PTPRT: variants seen among roughly 807,000 people sequenced by gnomAD.
PTPRT encodes the protein receptor-type tyrosine-protein phosphatase T.
In PTPRT, 56 loss-of-function variants were observed where a neutral mutation model predicts 176.8. That is an observed-to-expected ratio of 0.32 (90% confidence interval 0.26 to 0.40). The LOEUF is 0.40. PTPRT is among the 10% of genes least tolerant of loss of function. The probability of loss-of-function intolerance (pLI) is 1.00; values close to 1 mark genes in which losing one functional copy is unlikely to be tolerated. For missense variants in PTPRT, 1,540 were observed against 1,908.2 expected (o/e 0.81, Z 3.60); for synonymous variants, 783 against 739.0 (o/e 1.06, Z -0.96).
At chr20:42,182,910 GTGTGTGTGT>G in intron 16 of PTPRT, among the ~76,000 whole-genome samples, 1 of 75,864 alleles carries the variant, frequency 1.3e-5, no homozygotes, top group Non-Finnish European at 2.6e-5. Flanking sequence ...AAGCAGGGGT[GTGTGTGTGT>G]GTGTGTGTGT....
intron 1 of PTPRT, among the ~76,000 whole-genome samples, chr20:43,138,347 C>T (rs2013898850): frequency 1.3e-5 from 2 of 152,230 alleles, no homozygotes; most frequent in African/African-American, 2.4e-5. Flanking sequence ...CCCGGGCTGC[C>T]GGCGTGGCTC....
At chr20:42,489,802 T>C (rs2071530210) in intron 7 of PTPRT, among the ~76,000 whole-genome samples, 1 of 152,172 alleles carries the variant, frequency 6.6e-6, no homozygotes, top group Admixed American at 6.5e-5. Flanking sequence ...GACACAAACT[T>C]TTTTTGAAGA....
intron 1 of PTPRT, among the ~76,000 whole-genome samples, chr20:43,188,939 A>AAT (rs1319200752): frequency 6.6e-6 from 1 of 152,060 alleles, no homozygotes; most frequent in Non-Finnish European, 1.5e-5. Flanking sequence ...GCCAAACCCA[A>AAT]ATATGAGTTC....
At chr20:42,170,109 T>C (rs1041274327) in intron 16 of PTPRT, among the ~76,000 whole-genome samples, 1 of 152,186 alleles carries the variant, frequency 6.6e-6, no homozygotes, top group South Asian at 2.1e-4. Flanking sequence ...CTGGAACTGC[T>C]GAAACAATCT....
intron 1 of PTPRT, among the ~76,000 whole-genome samples, chr20:42,999,977 T>C (rs1984458215): frequency 6.6e-6 from 1 of 150,378 alleles, no homozygotes. Flanking sequence ...CTCAAGTCAG[T>C]GGCTCTGAAA....
chr20:42,296,782 C>A (rs2057393853), intron 12 of PTPRT, among the ~76,000 whole-genome samples: 1 of 152,048 alleles, frequency 6.6e-6, no homozygotes, highest in Admixed American at 6.6e-5. Context: ...CAAACATAGT[C>A]AATAATAATT....
chr20:43,105,583 T>C (rs2012570471), intron 1 of PTPRT, among the ~76,000 whole-genome samples: 1 of 152,146 alleles, frequency 6.6e-6, no homozygotes, highest in Non-Finnish European at 1.5e-5. Flanking sequence ...GTATTTTTAG[T>C]AGAGACAAAG....
intron 7 of PTPRT, among the ~76,000 whole-genome samples, chr20:42,534,657 A>G (rs1465694925): frequency 6.6e-6 from 1 of 152,020 alleles, no homozygotes; most frequent in Non-Finnish European, 1.5e-5. Context: ...AAAGATACAA[A>G]ACTAGAGTGC....
intron 16 of PTPRT, among the ~76,000 whole-genome samples, chr20:42,180,055 A>G (rs1448913099): frequency 1.3e-5 from 2 of 152,212 alleles, no homozygotes; most frequent in East Asian, 3.9e-4. Flanking sequence ...AAGGAAGTCA[A>G]AGATTACAGA....
At chr20:43,134,693 T>G (rs1012178081) in intron 1 of PTPRT, among the ~76,000 whole-genome samples, 2 of 152,194 alleles carry the variant, frequency 1.3e-5, no homozygotes, top group Non-Finnish European at 2.9e-5. Context: ...TATCACTGAA[T>G]TTTTTTCTTC....
chr20:42,878,978 G>A lies in PTPRT; in HGVS notation c.214+6829C>T, dbSNP rs184647863. On this transcript the variant is annotated intron_variant, in intron 2 of 30. Coordinates refer to ENST00000373187, the MANE Select transcript of PTPRT (RefSeq NM_007050.6). ...TGGGAGGCGGAGCTTGCAGTGAGCC[G>A]AGATCGTGCTACAGCACTCCAGCCC... Among the ~76,000 whole-genome samples the A allele has an allele frequency of 6.9e-4, 105 of 152,210 alleles. No individual in the cohort carries two copies. The East Asian group carries it at 0.018, about 26-fold the overall frequency.
At chr20:42,338,887 T>TC (rs2058075834) in intron 11 of PTPRT, among the ~76,000 whole-genome samples, 1 of 152,160 alleles carries the variant, frequency 6.6e-6, no homozygotes, top group Non-Finnish European at 1.5e-5. Context: ...CTTCATTTTT[T>TC]CTCTCTTCTT....
At chr20:42,729,016 T>A (rs1295004907) in intron 6 of PTPRT, among the ~76,000 whole-genome samples, 1 of 152,046 alleles carries the variant, frequency 6.6e-6, no homozygotes, top group Non-Finnish European at 1.5e-5. Flanking sequence ...ATGATGTGAC[T>A]CAACTCACAG....
chr20:42,388,960 G>C (rs1366607888), intron 9 of PTPRT, among the ~76,000 whole-genome samples: 1 of 152,182 alleles, frequency 6.6e-6, no homozygotes, highest in Non-Finnish European at 1.5e-5. Flanking sequence ...GAAATGATGA[G>C]TTCATGTCCT....
intron 7 of PTPRT, among the ~76,000 whole-genome samples, chr20:42,662,986 G>T (rs201226446): frequency 2.1e-5 from 3 of 142,976 alleles, no homozygotes; most frequent in Non-Finnish European, 3.1e-5. Flanking sequence ...GTGTGTGTGT[G>T]TATGTGTGTG....
Position 42,397,826 on chromosome 20 carries a change from A to G in PTPRT, c.1561-45541T>C, listed in dbSNP as rs117991255. The stretch of plus-strand genomic sequence containing the variant: ...TACCCAGTAGTGGGATTGCTGGGTC[A>G]AATGGTAGTTCAACTCTTGGTTCGT... On this transcript the variant is annotated intron_variant, in intron 9 of 30. Coordinates refer to ENST00000373187, the MANE Select transcript of PTPRT (RefSeq NM_007050.6). Among the ~76,000 whole-genome samples, 1,226 of 152,288 alleles carry G rather than the reference A, an allele frequency of 8.1e-3. 2 individuals are homozygous for G. The highest frequency in any genetic ancestry group is 0.014 in the Admixed American group (218 of 15,300).
At chr20:42,568,676 G>C (rs976443814) in intron 7 of PTPRT, among the ~76,000 whole-genome samples, 1 of 152,100 alleles carries the variant, frequency 6.6e-6, no homozygotes, top group Non-Finnish European at 1.5e-5. Flanking sequence ...TGGGGTCAGA[G>C]GTGACCCTCC....
rs77558044 is a variant in PTPRT, at chr20:42,907,948, G to A, written c.89-22016C>T. Among the ~76,000 whole-genome samples, 1,095 of 152,190 alleles carry A rather than the reference G, an allele frequency of 7.2e-3. 25 individuals are homozygous for A. The highest frequency in any genetic ancestry group is 0.049 in the Admixed American group (751 of 15,284). On this transcript the variant is annotated intron_variant, in intron 1 of 30. Transcript: ENST00000373187. The stretch of plus-strand genomic sequence containing the variant: ...TTTCCTCCAGGGGCTGACACACCCT[G>A]AAGCCAATGAAAGAGAAGTTCCTGG...
At chr20:42,590,885 T>C (rs1014744716) in intron 7 of PTPRT, among the ~76,000 whole-genome samples, 1 of 150,928 alleles carries the variant, frequency 6.6e-6, no homozygotes, top group African/African-American at 2.4e-5. Context: ...TAATGAAACA[T>C]CAAAAAGTGC....
Sources: gnomAD v4.1 joint callset for allele counts (sites outside exome capture counted in the v4.1 genomes callset) on GRCh38, gnomAD v4.1.1 for gene constraint, MANE v1.5 for transcripts, NCBI Gene and HGNC (gene_info 2026-07-23, HGNC 2026-07-21) for gene names.